HAUS8: variants seen among roughly 807,000 people sequenced by gnomAD.
HAUS8 encodes HAUS augmin like complex subunit 8.
A neutral mutation model predicts 42.9 loss-of-function variants in HAUS8; 38 were observed. The ratio of observed to expected loss-of-function variants is 0.89; its 90% CI spans 0.68 to 1.16. HAUS8 has a LOEUF of 1.16. Ranked by LOEUF, HAUS8 falls within the 50% of genes most tolerant of loss-of-function variation. The probability of loss-of-function intolerance (pLI) is 0.00; values close to 1 mark genes in which losing one functional copy is unlikely to be tolerated. For synonymous variants in HAUS8, 199 were observed against 205.8 expected, an observed-to-expected ratio of 0.97 and a Z score of 0.28; for missense variants, 494 against 511.6, an observed-to-expected ratio of 0.97 and a Z score of 0.33.
At chr19:17,069,355 T>C (rs1196812871) in intron 2 of HAUS8, among the ~76,000 whole-genome samples, 1 of 151,486 alleles carries the variant, frequency 6.6e-6, no homozygotes, top group South Asian at 2.1e-4. Flanking sequence ...CCCTCCAAGG[T>C]CAAAGCTGCA....
At position 17,060,075 on chromosome 19, in the gene HAUS8, C is replaced by T. The variant is rs1130222; in HGVS notation, c.247G>A (p.Gly83Arg). 689,587 of 1,606,902 alleles carry T rather than the reference C, an allele frequency of 0.43. 151,202 individuals carry two copies. The highest frequency in any genetic ancestry group is 0.57 in the South Asian group (51,498 of 90,902). ...AACGTGGACTGCAGGTCACCCTTTC[C>T]GACCCCACTGCTATCTGCTGTTAAG... The part of the protein sequence containing the change: ...QKSKADSSGV[G>R]KGDLQSTLLE... Residue 83 changes from glycine (G) to arginine (R), a missense_variant, in exon 5 of 11, where the codon GGA becomes AGA. Physicochemically the swap from Gly to Arg is moderately radical, Grantham distance 125 (BLOSUM62 -2). Transcript: ENST00000253669.
intron 3 of HAUS8, among the ~76,000 whole-genome samples, chr19:17,065,983 AAAAG>A (rs2057385206): frequency 1.3e-5 from 2 of 151,540 alleles, no homozygotes; most frequent in African/African-American, 4.9e-5. Context: ...AAAAAAAAAA[AAAAG>A]AGACAGGATC....
intron 3 of HAUS8, among the ~76,000 whole-genome samples, chr19:17,068,099 CTTTTTTTT>C (rs889723027): frequency 3.3e-4 from 31 of 93,474 alleles, no homozygotes; most frequent in African/African-American, 1.0e-3. Flanking sequence ...TTATTTTATT[CTTTTTTTT>C]TTTTTTTTTT....
chr19:17,075,295 C>T (rs201196200), intron 1 of HAUS8, 99 bp downstream of exon 1: 12 of 1,376,274 alleles, frequency 8.7e-6, no homozygotes, highest in Middle Eastern at 1.8e-4. Context: ...GGGGTCGAAC[C>T]CGAACTCACC....
rs190164982 is a variant in HAUS8, at chr19:17,065,918, T to A, written c.147+3113A>T. Among the ~76,000 whole-genome samples the A allele has an allele frequency of 2.7e-5, 4 of 149,954 alleles. No homozygotes were observed. The East Asian group carries it at 7.8e-4, about 29-fold the overall frequency. ...AAGGGTGGTATGCCCGAACAGGCCA[T>A]GGAAGCTCTGTGCGCCTTCCCCCCA... is the stretch of plus-strand genomic sequence containing the variant. On this transcript the variant is annotated intron_variant, in intron 3 of 10. Transcript: ENST00000253669.
chr19:17,050,526 G>A (rs966230134), intron 10 of HAUS8, among the ~76,000 whole-genome samples: 2 of 152,146 alleles, frequency 1.3e-5, no homozygotes, highest in East Asian at 1.9e-4. Flanking sequence ...TTGGGAGGCC[G>A]AGGCAGACAG....
chr19:17,050,147 G>T lies in HAUS8; in HGVS notation c.959C>A (p.Ala320Glu). 6.5e-7 allele frequency: 1 copy of T among 1,538,768 alleles called. No homozygotes were observed. The highest frequency in any genetic ancestry group is 8.8e-7 in the Non-Finnish European group (1 of 1,142,142). The change falls in exon 11 of 11, where the codon GCA becomes GAA. Residue 320 changes from alanine (A) to glutamate (E), a missense_variant. By Grantham distance (107) the Ala-to-Glu change is moderately radical. Transcript: ENST00000253669. ...RSFAQVLELS[A>E]EASKEAALAN... is the part of the protein sequence containing the mutation. The stretch of plus-strand genomic sequence containing the variant: ...CAAGGCTGCCTCTTTGCTTGCCTCT[G>T]CGGAGAGTTCCAGCACCTGGGCAAA...
At chr19:17,058,525 C>T (rs1239740299) in intron 8 of HAUS8, 24 bp downstream of exon 8, 1 of 1,566,190 alleles carries the variant, frequency 6.4e-7, no homozygotes, top group African/African-American at 1.4e-5. Context: ...ACTCACTGGT[C>T]ACAGAGTGTC....
intron 1 of HAUS8, chr19:17,073,654 T>G: frequency 5.9e-6 from 2 of 337,388 alleles, no homozygotes; most frequent in Non-Finnish European, 5.7e-6. Context: ...ACCTACTATA[T>G]TCCAGTAGAG....
intron 10 of HAUS8, among the ~76,000 whole-genome samples, chr19:17,050,901 A>C (rs2123355506): frequency 6.6e-6 from 1 of 152,228 alleles, no homozygotes; most frequent in South Asian, 2.1e-4. Flanking sequence ...CCGTCTCAAA[A>C]AAAAAAAAAT....
intron 10 of HAUS8, among the ~76,000 whole-genome samples, chr19:17,050,767 G>T (rs1428987187): frequency 6.6e-6 from 1 of 151,860 alleles, no homozygotes; most frequent in African/African-American, 2.4e-5. Flanking sequence ...GTGGTGGAAC[G>T]CACCTGTAAT....
rs762325824 is a variant in HAUS8 at position 17,060,136 on chromosome 19, A to G, written c.230-44T>C. On this transcript the variant is annotated intron_variant, in intron 4 of 10. Coordinates refer to ENST00000253669, the MANE Select transcript of HAUS8 (RefSeq NM_033417.2). ...CCGAAAGTCAGCACAGTCAAGAGAC[A>G]CTCTCCATTCAAGCCAGGAAACGCA... The G allele has an allele frequency of 4.4e-6, 6 of 1,357,388 alleles. No homozygotes were observed. The Admixed American group carries it at 5.1e-5, about 12-fold the overall frequency. 84.1% of individuals were successfully genotyped at this position (1,357,388 alleles called of 1,614,324 possible). A position where few individuals can be genotyped will look rare whatever the true frequency, so the allele number is the denominator to read the frequency against.
chr19:17,063,120 C>T (rs576448314), intron 3 of HAUS8, among the ~76,000 whole-genome samples: 2 of 152,278 alleles, frequency 1.3e-5, no homozygotes, highest in Admixed American at 1.3e-4. Context: ...AAAGTTTTTA[C>T]ACATATGTTG....
Position 17,049,820 on chromosome 19 carries a change from A to C in HAUS8, c.*53T>G. 1 of 1,256,540 alleles carries C rather than the reference A, an allele frequency of 8.0e-7. No individual in the cohort carries two copies. The highest frequency in any genetic ancestry group is 1.0e-6 in the Non-Finnish European group (1 of 961,866). 77.8% of individuals were successfully genotyped at this position (1,256,540 alleles called of 1,614,324 possible). ...CAAGATTATCACATAAAAAATAGCT[A>C]CAGTGCTACGGTAGTATATAAAGTG... On this transcript the variant is annotated 3_prime_UTR_variant, in exon 11 of 11. Transcript: ENST00000253669.
At chr19:17,052,682 C>T (rs888694456) in intron 10 of HAUS8, 143 bp downstream of exon 10, 16 of 790,776 alleles carry the variant, frequency 2.0e-5, no homozygotes, top group Non-Finnish European at 2.3e-5. Context: ...TATCATGCAG[C>T]GTCTGGGAAA....
chr19:17,059,421 C>G, intron 6 of HAUS8, 136 bp downstream of exon 6: 2 of 639,234 alleles, frequency 3.1e-6, no homozygotes, highest in Non-Finnish European at 5.6e-6. Flanking sequence ...CATCTGTAGT[C>G]TTGATTTTTG....
rs553893463 is a variant in HAUS8 at position 17,068,987 on chromosome 19, C to T, written c.147+44G>A. ...GTTTCGGAATTCCAGTTGCTCAGAA[C>T]CTTGCTCAGAACTGCTGCAAATGGA... On this transcript the variant is annotated intron_variant, in intron 3 of 10. Coordinates refer to ENST00000253669, the MANE Select transcript of HAUS8 (RefSeq NM_033417.2). 1.9e-6 allele frequency: 3 copies of T among 1,583,914 alleles called. No homozygotes were observed. In the African/African-American group the frequency reaches 4.0e-5, roughly 21 times the overall value.
At chr19:17,051,567 CTGA>C (rs1293191709) in intron 10 of HAUS8, 2 of 151,752 alleles carry the variant, frequency 1.3e-5, no homozygotes, top group African/African-American at 4.8e-5. Flanking sequence ...ACCAACAGGG[CTGA>C]TGTGAGGGCG....
chr19:17,075,408 C>T lies in HAUS8; in HGVS notation c.15G>A (p.Ser5=). MADS[S]GRGAGKPATG... is the part of the protein sequence containing the mutation. ...CCCCAACTCACCCAGCGCCTCGCCC[C>T]GAGGAATCCGCCATTTTCCCGCCTT... Residue 5 remains serine, a synonymous_variant, in exon 1 of 11, where the codon TCG becomes TCA. Coordinates refer to ENST00000253669, the MANE Select transcript of HAUS8 (RefSeq NM_033417.2). 6 of 1,613,908 alleles carry T rather than the reference C, an allele frequency of 3.7e-6. No homozygotes were observed. Among genetic ancestry groups the T allele is most frequent in the Non-Finnish European group, 5.1e-6 (6 of 1,179,926 alleles).
Sources: gnomAD v4.1 joint callset for allele counts (sites outside exome capture counted in the v4.1 genomes callset) on GRCh38, gnomAD v4.1.1 for gene constraint, MANE v1.5 for transcripts, NCBI Gene and HGNC (gene_info 2026-07-23, HGNC 2026-07-21) for gene names.